Variants in CC2D1A observed in about 807,000 individuals in gnomAD.
The protein encoded by CC2D1A is coiled-coil and C2 domain containing 1A.
A neutral mutation model predicts 123.8 loss-of-function variants in CC2D1A; 68 were observed. That is an observed-to-expected ratio of 0.55 (90% CI 0.45 to 0.67). CC2D1A has a LOEUF of 0.67. Among genes scored for constraint, CC2D1A ranks in the 30% least tolerant of loss-of-function variants. The probability of loss-of-function intolerance (pLI) is 0.00; values close to 1 mark genes in which losing one functional copy is unlikely to be tolerated. For synonymous variants in CC2D1A, 477 were observed against 528.0 expected (o/e 0.90, Z 1.32); for missense variants, 1,185 against 1,290.3 (o/e 0.92, Z 1.25).
rs1293325221 is a variant in CC2D1A at position 13,912,523 on chromosome 19, T to G, written c.313-5T>G. ...ATATCCTGCCCTGGCTGTGTGTCCC[T>G]GCAGGCGGAGCTAAATGAGGTCCTT... On this transcript the variant is annotated splice_region_variant and splice_polypyrimidine_tract_variant and intron_variant, in intron 3 of 28. Coordinates refer to ENST00000318003, the MANE Select transcript of CC2D1A (RefSeq NM_017721.5). 3 of 1,614,124 alleles carry G rather than the reference T, an allele frequency of 1.9e-6. No homozygotes were observed. The highest frequency in any genetic ancestry group is 2.2e-5 in the East Asian group (1 of 44,870).
At chr19:13,914,130 G>A (rs768974616) in intron 6 of CC2D1A, among the ~76,000 whole-genome samples, 2 of 151,754 alleles carry the variant, frequency 1.3e-5, no homozygotes, top group South Asian at 2.1e-4. Flanking sequence ...CACCCACTTC[G>A]GCCTCCCAAT....
chr19:13,915,190 C>T (rs952313232), intron 6 of CC2D1A, among the ~76,000 whole-genome samples: 14 of 152,388 alleles, frequency 9.2e-5, no homozygotes, highest in African/African-American at 2.9e-4. Context: ...ACAAAGACAT[C>T]ACAGTAACAA....
At position 13,925,005 on chromosome 19, in the gene CC2D1A, G is replaced by A. The variant is rs187347751; in HGVS notation, c.1940+1194G>A. On this transcript the variant is annotated intron_variant, in intron 17 of 28. Transcript: ENST00000318003. ...AGCCTCTGCATCAGCTATTTCTTCC[G>A]CCTTCACCCTCTTCCTCAGGTCTCC... Among the ~76,000 whole-genome samples, 412 of 152,122 alleles carry A rather than the reference G, an allele frequency of 2.7e-3. 2 individuals carry two copies. Among genetic ancestry groups the A allele is most frequent in the Non-Finnish European group, 4.3e-3 (293 of 67,992 alleles).
chr19:13,912,478 C>T lies in CC2D1A; in HGVS notation c.312+40C>T, dbSNP rs745671760. 4 of 1,613,926 alleles carry T rather than the reference C, an allele frequency of 2.5e-6. 1 individual carries two copies. In the Admixed American group the frequency reaches 5.0e-5, roughly 20 times the overall value. The stretch of plus-strand genomic sequence containing the variant: ...CGGGGTGGGGGCTCTGATCCGGTTG[C>T]CCCCATCCAGCAGGCCCTTATATCC... On this transcript the variant is annotated intron_variant, in intron 3 of 28. Transcript: ENST00000318003.
chr19:13,927,354 G>A, intron 22 of CC2D1A, 89 bp downstream of exon 22: 2 of 1,125,320 alleles, frequency 1.8e-6, no homozygotes, highest in Middle Eastern at 2.1e-4. Flanking sequence ...AGCCCTCTAT[G>A]AGCCTGTCTG....
intron 1 of CC2D1A, among the ~76,000 whole-genome samples, chr19:13,909,454 A>T (rs190279888): frequency 6.6e-6 from 1 of 151,166 alleles, no homozygotes; most frequent in East Asian, 2.0e-4. Context: ...GCTGGTCTGG[A>T]ACTCCCAGAC....
chr19:13,930,413 C>T lies in CC2D1A; in HGVS notation c.*18C>T, dbSNP rs1599416068. On this transcript the variant is annotated 3_prime_UTR_variant, in exon 29 of 29. Coordinates refer to ENST00000318003, the MANE Select transcript of CC2D1A (RefSeq NM_017721.5). This position sits in a 1 kb window ranked among gnomAD's most constrained non-coding sequence, Gnocchi z 6.8. ...GCAGGTGAGGAGCCCATGGGGCGGG[C>T]AGCCCCCAGAAAGCGGGCAGCAGGC... 5 of 1,596,872 alleles carry T rather than the reference C, an allele frequency of 3.1e-6. No individual in the cohort carries two copies. The Middle Eastern group carries it at 9.0e-4, about 289-fold the overall frequency.
At position 13,923,623 on chromosome 19, in the gene CC2D1A, G is replaced by A; in HGVS notation, c.1823+17G>A. Reference sequence around the variant, plus strand: ...AACCACCAAGTAAGTGCCCTGACCTGTGCCAGACACTTGCACCCCCAGCCA... The same window carrying A: ...AACCACCAAGTAAGTGCCCTGACCTATGCCAGACACTTGCACCCCCAGCCA... On this transcript the variant is annotated intron_variant, in intron 16 of 28. Coordinates refer to ENST00000318003, the MANE Select transcript of CC2D1A (RefSeq NM_017721.5). This position sits in a 1 kb window ranked among gnomAD's most constrained non-coding sequence, Gnocchi z 5.3. 6 of 1,614,142 alleles carry A rather than the reference G, an allele frequency of 3.7e-6. No individual in the cohort carries two copies. The highest frequency in any genetic ancestry group is 5.1e-6 in the Non-Finnish European group (6 of 1,180,002).
At chr19:13,908,513 C>T (rs556031314) in intron 1 of CC2D1A, among the ~76,000 whole-genome samples, 16 of 152,018 alleles carry the variant, frequency 1.1e-4, no homozygotes, top group Admixed American at 2.6e-4. Context: ...GTTGCCCAGG[C>T]TGGAGTTTGG....
chr19:13,918,539 T>C lies in CC2D1A; in HGVS notation c.909T>C (p.Gly303=). ...CTGTCTTGGAGGCCCTGAGCCGGGG[T>C]GAGCCCGTGGACCTCTCCTGCCTGC... ...FDAVLEALSR[G]EPVDLSCLPP... Residue 303 remains glycine (G), a synonymous_variant, in exon 8 of 29, where the codon GGT becomes GGC. Coordinates refer to ENST00000318003, the MANE Select transcript of CC2D1A (RefSeq NM_017721.5). 6.2e-7 allele frequency: 1 copy of C among 1,613,766 alleles called. No individual in the cohort carries two copies. The highest frequency in any genetic ancestry group is 1.1e-5 in the South Asian group (1 of 91,068).
intron 17 of CC2D1A, among the ~76,000 whole-genome samples, chr19:13,925,996 G>GTGTGTGTATATATATATACGTATATATA (rs1568418686): frequency 5.7e-5 from 6 of 106,100 alleles, no homozygotes; most frequent in African/African-American, 2.7e-4. Context: ...ATACATATAT[G>GTGTGTGTATATATATATACGTATATATA]TGTGTATATA....
chr19:13,918,952 G>A lies in CC2D1A; in HGVS notation c.1059G>A (p.Glu353=). ...PPPRTLLEAL[E]QRMERYQVAA... ...CGAGGACCCTGCTGGAGGCGCTGGAGCAGCGGATGGAGCGGTACCAGGTGG... is the reference window on the plus strand; with the variant it reads ...CGAGGACCCTGCTGGAGGCGCTGGAACAGCGGATGGAGCGGTACCAGGTGG... Residue 353 remains glutamate, a synonymous_variant, in exon 10 of 29, where the codon GAG becomes GAA. Coordinates refer to ENST00000318003, the MANE Select transcript of CC2D1A (RefSeq NM_017721.5). 1.9e-6 allele frequency: 3 copies of A among 1,610,804 alleles called. No homozygotes were observed. Among genetic ancestry groups the A allele is most frequent in the Non-Finnish European group, 2.5e-6 (3 of 1,178,460 alleles).
At chr19:13,919,753 AC>A (rs1971344067) in intron 11 of CC2D1A, 64 bp from the exon 12 acceptor site, 1 of 1,480,034 alleles carries the variant, frequency 6.8e-7, no homozygotes, top group South Asian at 1.4e-5. Context: ...CTGCATCTCC[AC>A]CATAATGGTG....
chr19:13,918,163 C>A lies in CC2D1A; in HGVS notation c.842C>A (p.Thr281Asn). 6.2e-7 allele frequency: 1 copy of A among 1,605,416 alleles called. No homozygotes were observed. The highest frequency in any genetic ancestry group is 1.1e-5 in the South Asian group (1 of 90,406). Residue 281 changes from threonine to asparagine, a missense_variant, in exon 7 of 29, where the codon ACT (threonine) becomes AAT (asparagine). Physicochemically the swap from Thr to Asn is moderately conservative, Grantham distance 65 (BLOSUM62 0). Coordinates refer to ENST00000318003, the MANE Select transcript of CC2D1A (RefSeq NM_017721.5). Reference protein sequence around the residue: ...ALHAKQQGDTTAAARHFRVAK... With the variant: ...ALHAKQQGDTNAAARHFRVAK... ...CACGCCAAGCAGCAGGGAGATACCACTGCTGCCGCTAGACACTTCCGCGTG... is the reference window on the plus strand; with the variant it reads ...CACGCCAAGCAGCAGGGAGATACCAATGCTGCCGCTAGACACTTCCGCGTG...
chr19:13,909,748 ACT>A (rs748349772), intron 1 of CC2D1A, 73 bp from the exon 2 acceptor site: 6 of 1,586,482 alleles, frequency 3.8e-6, no homozygotes, highest in Admixed American at 3.3e-5. Context: ...TCCCAAGGGG[ACT>A]CTCTGGCCAT....
chr19:13,928,652 A>T (rs1217888215), intron 24 of CC2D1A, among the ~76,000 whole-genome samples: 1 of 149,780 alleles, frequency 6.7e-6, no homozygotes, highest in East Asian at 2.0e-4. Context: ...GGGATCAGTA[A>T]CACCGGGTGG....
intron 24 of CC2D1A, 54 bp from the exon 25 acceptor site, chr19:13,929,325 C>A (rs1482917008): frequency 3.2e-6 from 5 of 1,577,398 alleles, no homozygotes. Context: ...TTTGAATTAA[C>A]AGGGTTGGGC....
intron 17 of CC2D1A, among the ~76,000 whole-genome samples, chr19:13,924,715 T>C (rs1218496736): frequency 6.6e-6 from 1 of 152,168 alleles, no homozygotes; most frequent in Non-Finnish European, 1.5e-5. Flanking sequence ...TGCCTTGGCC[T>C]CCCAAAATTC....
At chr19:13,925,394 C>T (rs541786756) in intron 17 of CC2D1A, among the ~76,000 whole-genome samples, 2 of 152,176 alleles carry the variant, frequency 1.3e-5, no homozygotes, top group Admixed American at 1.3e-4. Flanking sequence ...TTCTGGCTAA[C>T]ATGGTGAAAT....
Sources: gnomAD v4.1 joint callset for allele counts (sites outside exome capture counted in the v4.1 genomes callset) on GRCh38, gnomAD v4.1.1 for gene constraint, Gnocchi (gnomAD v3.1) non-coding constraint, MANE v1.5 for transcripts, NCBI Gene and HGNC (gene_info 2026-07-23, HGNC 2026-07-21) for gene names.